The following MMRN1 variants were observed in gnomAD, a reference collection of about 807,000 sequenced individuals.
MMRN1 encodes multimerin-1.
Under a neutral mutation model 100.7 loss-of-function variants are expected in MMRN1, and 94 were observed. That is an observed-to-expected ratio of 0.93 (90% confidence interval 0.79 to 1.11). MMRN1 has a LOEUF of 1.11. Ranked by LOEUF, MMRN1 falls within the 50% of genes least tolerant of loss-of-function variation. The pLI is 0.00. For missense variants in MMRN1, 1,606 were observed against 1,439.1 expected (o/e 1.12, Z -1.88); for synonymous variants, 575 against 505.0 (o/e 1.14, Z -1.86).
At chr4:89,932,639 T>A (rs1413698334) in intron 5 of MMRN1, among the ~76,000 whole-genome samples, 2 of 152,174 alleles carry the variant, frequency 1.3e-5, no homozygotes, top group Non-Finnish European at 2.9e-5. Context: ...CAACACCACA[T>A]GTAAGCCACA....
At chr4:89,944,995 A>C (rs1479183929) in intron 6 of MMRN1, among the ~76,000 whole-genome samples, 2 of 152,166 alleles carry the variant, frequency 1.3e-5, no homozygotes, top group African/African-American at 4.8e-5. Flanking sequence ...AAATTTCCTC[A>C]TGCACCTTTG....
intron 1 of MMRN1, among the ~76,000 whole-genome samples, chr4:89,898,964 C>T (rs933824510): frequency 2.0e-5 from 3 of 152,064 alleles, no homozygotes; most frequent in Non-Finnish European, 2.9e-5. Context: ...AATATTTAAT[C>T]ATACTGAATG....
chr4:89,905,548 G>T (rs1487895947), intron 1 of MMRN1, among the ~76,000 whole-genome samples: 1 of 151,508 alleles, frequency 6.6e-6, no homozygotes, highest in Non-Finnish European at 1.5e-5. Context: ...AGACGCATGG[G>T]TGGGTATTAG....
intron 4 of MMRN1, among the ~76,000 whole-genome samples, chr4:89,924,298 CTT>C (rs146918166): frequency 0.068 from 10,326 of 152,132 alleles, 482 homozygotes; most frequent in African/African-American, 0.13. Context: ...AACAGTAACT[CTT>C]TGAAATAATT....
At chr4:89,899,502 AT>A (rs1721314544) in intron 1 of MMRN1, among the ~76,000 whole-genome samples, 2 of 152,118 alleles carry the variant, frequency 1.3e-5, no homozygotes, top group African/African-American at 4.8e-5. Context: ...TGAATCACAA[AT>A]GCTGATTCTG....
intron 1 of MMRN1, among the ~76,000 whole-genome samples, chr4:89,901,341 T>G (rs560707645): frequency 1.1e-3 from 160 of 151,690 alleles, no homozygotes; most frequent in African/African-American, 3.7e-3. Flanking sequence ...ATTTTTTTTC[T>G]GAGTTTAATG....
In MMRN1 at chr4:89,901,431, G is replaced by A. The variant is rs1027841926; in HGVS notation, c.623+5837G>A. 2.2e-4 allele frequency among the ~76,000 whole-genome samples: 33 copies of A among 151,872 alleles called. 1 individual carries two copies. The highest frequency in any genetic ancestry group is 4.8e-5 in the African/African-American group (2 of 41,344). On this transcript the variant is annotated intron_variant, in intron 1 of 7. Coordinates refer to ENST00000264790, the MANE Select transcript of MMRN1 (RefSeq NM_007351.3). Reference sequence around the variant, plus strand: ...TTATTCTGAGTTTAATGACAAATTAGAAAATTACAAAAATTAACCATTAAA... The same window carrying A: ...TTATTCTGAGTTTAATGACAAATTAAAAAATTACAAAAATTAACCATTAAA...
At chr4:89,891,606 G>T (rs932914014), upstream of MMRN1, among the ~76,000 whole-genome samples, 6 of 151,960 alleles carry the variant, frequency 3.9e-5, no homozygotes, top group Admixed American at 6.6e-5. Flanking sequence ...GCAGAAATCA[G>T]TTTCTCTTCT....
At chr4:89,916,378 A>G (rs779925870) in intron 3 of MMRN1, among the ~76,000 whole-genome samples, 52 of 122,934 alleles carry the variant, frequency 4.2e-4, no homozygotes, top group Non-Finnish European at 7.5e-4. Context: ...AAAAAAAAAC[A>G]AACAAACAAA....
rs1721146457 is a variant in MMRN1, at chr4:89,895,084, C to T, written c.113C>T (p.Thr38Ile). ...TIPEDGNSQK[T>I]MPSASVPPNK... ...CCTGAGGATGGGAACTCTCAGAAGA[C>T]TATGCCTTCTGCTTCAGTTCCTCCA... Residue 38 changes from threonine to isoleucine, a missense_variant, in exon 1 of 8, where the codon ACT (threonine) becomes ATT (isoleucine). Transcript: ENST00000264790. 1.9e-6 allele frequency: 3 copies of T among 1,613,938 alleles called. No homozygotes were observed. Among genetic ancestry groups the T allele is most frequent in the Middle Eastern group, 1.7e-4 (1 of 6,058 alleles).
intron 1 of MMRN1, among the ~76,000 whole-genome samples, chr4:89,888,214 T>C (rs1353622490): frequency 1.3e-5 from 2 of 152,032 alleles, no homozygotes; most frequent in East Asian, 3.9e-4. Context: ...CTAGTATATC[T>C]TATAGGGTGG....
chr4:89,892,302 G>A (rs1280725795), upstream of MMRN1, among the ~76,000 whole-genome samples: 4 of 151,062 alleles, frequency 2.6e-5, no homozygotes, highest in South Asian at 8.4e-4. Flanking sequence ...GAAATGGGAG[G>A]TATAGCAAAA....
chr4:89,883,442 G>A (rs1720865530), intron 1 of MMRN1, among the ~76,000 whole-genome samples: 1 of 152,076 alleles, frequency 6.6e-6, no homozygotes, highest in African/African-American at 2.4e-5. Flanking sequence ...TAATGGGTGT[G>A]AAATGGTATC....
At position 89,951,626 on chromosome 4, in the gene MMRN1, GGCATCC is replaced by G; in HGVS notation, c.3142_3147del (p.His1048_Pro1049del). 1 of 1,526,048 alleles carries G rather than the reference GGCATCC, an allele frequency of 6.6e-7. No individual in the cohort carries two copies. 94.5% of individuals were successfully genotyped at this position (1,526,048 alleles called of 1,614,324 possible). ...ACAGAGGAGTATTCAAGCTGTAGTC[GGCATCC>G]GTGCCAAAATGGGGGCACGTGCATA... On this transcript the variant is annotated inframe_deletion, in exon 7 of 8. Coordinates refer to ENST00000264790, the MANE Select transcript of MMRN1 (RefSeq NM_007351.3).
chr4:89,900,444 T>C (rs1002213557), intron 1 of MMRN1, among the ~76,000 whole-genome samples: 2 of 152,106 alleles, frequency 1.3e-5, no homozygotes, highest in Non-Finnish European at 2.9e-5. Context: ...AGCTTTAATG[T>C]CACCTCTTCA....
rs1553922651 is a variant in MMRN1, at chr4:89,907,829, G to GTTTGT, written c.624-1444_624-1443insGTTTT. ...ACTTCTATGTCATGCCTGTTTTTTT[G>GTTTGT]TTTTTTTTTTTTCTATTTACTGGAT... On this transcript the variant is annotated intron_variant, in intron 1 of 7. Transcript: ENST00000264790. Among the ~76,000 whole-genome samples the GTTTGT allele has an allele frequency of 3.3e-3, 464 of 139,360 alleles. 4 individuals carry two copies. The highest frequency in any genetic ancestry group is 0.011 in the African/African-American group (444 of 38,704). The allele number at this position is 139,360 out of a possible 152,430, so 91.4% of individuals were successfully genotyped here. A position where few individuals can be genotyped will look rare whatever the true frequency, so the allele number is the denominator to read the frequency against.
chr4:89,890,318 A>G (rs1002842146), upstream of MMRN1, among the ~76,000 whole-genome samples: 18 of 150,960 alleles, frequency 1.2e-4, no homozygotes, highest in Non-Finnish European at 2.5e-4. Context: ...CAGGCTGACA[A>G]TTCTCTAGTC....
intron 1 of MMRN1, among the ~76,000 whole-genome samples, chr4:89,905,364 A>G (rs898590121): frequency 9.9e-5 from 15 of 151,470 alleles, no homozygotes; most frequent in African/African-American, 3.1e-4. Context: ...TTATTCTCTT[A>G]TGAGGGATCA....
In MMRN1 at chr4:89,952,994, C is replaced by A. The variant is rs1343532729; in HGVS notation, c.3266-3C>A. 3.2e-6 allele frequency: 5 copies of A among 1,550,492 alleles called. No individual in the cohort carries two copies. The highest frequency in any genetic ancestry group is 4.4e-6 in the Non-Finnish European group (5 of 1,149,252). ...TAACTCTTGCCATTTTTTCCTCTAA[C>A]AGATTTTTCCAAAGGATCTTACAGA... is the stretch of plus-strand genomic sequence containing the variant. On this transcript the variant is annotated splice_polypyrimidine_tract_variant and splice_region_variant and intron_variant, in intron 7 of 7. Coordinates refer to ENST00000264790, the MANE Select transcript of MMRN1 (RefSeq NM_007351.3).
Sources: gnomAD v4.1 joint callset for allele counts (sites outside exome capture counted in the v4.1 genomes callset) on GRCh38, gnomAD v4.1.1 for gene constraint, MANE v1.5 for transcripts, NCBI Gene and HGNC (gene_info 2026-07-23, HGNC 2026-07-21) for gene names.